The following NCOR2 variants were observed in gnomAD, a reference collection of about 807,000 sequenced individuals.
NCOR2 encodes the protein nuclear receptor corepressor 2, also known as CTG repeat protein 26.
A neutral mutation model predicts 262.9 loss-of-function variants in NCOR2; 81 were observed. That is an observed-to-expected ratio of 0.31 (90% CI 0.26 to 0.37). The LOEUF (loss-of-function observed/expected upper bound fraction) is 0.37, where lower values mean the gene tolerates loss of function less well. NCOR2 is among the 10% of genes least tolerant of loss of function. The probability of loss-of-function intolerance (pLI) is 1.00; values close to 1 mark genes in which losing one functional copy is unlikely to be tolerated. For synonymous variants in NCOR2, 1,659 were observed against 1,559.3 expected, an observed-to-expected ratio of 1.06 and a Z score of -1.51; for missense variants, 3,385 against 3,621.4, an observed-to-expected ratio of 0.93 and a Z score of 1.68.
At chr12:124,354,390 A>G in intron 26 of NCOR2, 88 bp downstream of exon 28, 1 of 1,287,808 alleles carries the variant, frequency 7.8e-7, no homozygotes, top group African/African-American at 1.5e-5. Context: ...GGGAGATGAC[A>G]CTTCCCAGCA....
At chr12:124,562,710 A>G (rs1175729211) in intron 1 of NCOR2, among the ~76,000 whole-genome samples, 1 of 152,240 alleles carries the variant, frequency 6.6e-6, no homozygotes, top group African/African-American at 2.4e-5. Context: ...CCAAAGGGCA[A>G]CAAGCCGAAG....
At chr12:124,371,969 G>T in intron 20 of NCOR2, 53 bp downstream of exon 22, 1 of 1,504,152 alleles carries the variant, frequency 6.6e-7, no homozygotes, top group South Asian at 1.3e-5. Context: ...GGTAGTCGCT[G>T]CTCAGTGTCT....
At chr12:124,565,470 G>C (rs2052207386) in intron 1 of NCOR2, among the ~76,000 whole-genome samples, 1 of 152,080 alleles carries the variant, frequency 6.6e-6, no homozygotes, top group South Asian at 2.1e-4. Flanking sequence ...TTCAATGGGC[G>C]GGGGCACCTG....
Position 124,422,487 on chromosome 12 carries a change from G to A in NCOR2, c.1383+14C>T, listed in dbSNP as rs372190522. The A allele has an allele frequency of 6.8e-6, 11 of 1,613,916 alleles. No individual in the cohort carries two copies. The highest frequency in any genetic ancestry group is 4.5e-5 in the East Asian group (2 of 44,876). On this transcript the variant is annotated intron_variant, in intron 12 of 46. Transcript: ENST00000405201. ...GGTGGAGACCGAAGGGGTATGGGGC[G>A]GGCAGCGACTCACCTTCCTCTCCAG...
At chr12:124,424,891 C>T (rs1478388442) in intron 11 of NCOR2, among the ~76,000 whole-genome samples, 5 of 152,212 alleles carry the variant, frequency 3.3e-5, no homozygotes, top group African/African-American at 7.2e-5. Flanking sequence ...CCTCCGTCCA[C>T]ACCTCAGTTT....
chr12:124,469,667 C>T (rs1004353232), intron 4 of NCOR2, among the ~76,000 whole-genome samples: 4 of 152,172 alleles, frequency 2.6e-5, no homozygotes, highest in Non-Finnish European at 1.5e-5. Context: ...TCCCTGACCT[C>T]AGTGTCTACT....
chr12:124,422,568 A>G lies in NCOR2; in HGVS notation c.1329-13T>C. 6.2e-7 allele frequency: 1 copy of G among 1,613,738 alleles called. No homozygotes were observed. On this transcript the variant is annotated splice_polypyrimidine_tract_variant and intron_variant, in intron 11 of 46. Coordinates refer to ENST00000405201, the Ensembl canonical transcript of NCOR2. ...ATGCTGCATGAACCTGCGGGACGAG[A>G]AGGGTGGGCGTGAGACCTGGCCGAG...
chr12:124,510,533 T>A (rs1167847773), intron 1 of NCOR2, among the ~76,000 whole-genome samples: 1 of 152,186 alleles, frequency 6.6e-6, no homozygotes, highest in African/African-American at 2.4e-5. Flanking sequence ...GCCGAGCAAC[T>A]TGCCCAAGGT....
intron 15 of NCOR2, among the ~76,000 whole-genome samples, chr12:124,399,284 G>C (rs1056105056): frequency 6.6e-6 from 1 of 152,122 alleles, no homozygotes; most frequent in Non-Finnish European, 1.5e-5. Flanking sequence ...GCCTACAGAA[G>C]CCAGGGGTGC....
intron 13 of NCOR2, among the ~76,000 whole-genome samples, chr12:124,414,851 G>A (rs545355478): frequency 6.6e-6 from 1 of 152,352 alleles, no homozygotes; most frequent in Admixed American, 6.5e-5. Flanking sequence ...AGAAACCTAT[G>A]AGGGAGAGAG....
exon 41 of NCOR2, chr12:124,334,574 A>G: frequency 7.1e-7 from 1 of 1,405,960 alleles, no homozygotes; most frequent in Non-Finnish European, 9.2e-7. Context: ...GGGTGCGCTG[A>G]GCTGCTGTGG....
chr12:124,423,297 T>TC (rs1217067060), intron 11 of NCOR2, among the ~76,000 whole-genome samples: 1 of 152,154 alleles, frequency 6.6e-6, no homozygotes, highest in Non-Finnish European at 1.5e-5. Flanking sequence ...GGCCCAGGCG[T>TC]CCCGGCGACG....
chr12:124,449,681 C>T (rs538230577), intron 7 of NCOR2, 134 bp downstream of exon 9: 14 of 1,071,274 alleles, frequency 1.3e-5, no homozygotes, highest in African/African-American at 7.8e-5. Context: ...CTGTCCCCTC[C>T]GGGAGCACCT....
intron 1 of NCOR2, among the ~76,000 whole-genome samples, chr12:124,506,020 A>C (rs1432086001): frequency 6.7e-6 from 1 of 150,152 alleles, no homozygotes; most frequent in Non-Finnish European, 1.5e-5. Context: ...CTCCTCGGCC[A>C]CTGGGAAAGC....
At chr12:124,386,290 C>T (rs906107516) in intron 16 of NCOR2, among the ~76,000 whole-genome samples, 4 of 152,078 alleles carry the variant, frequency 2.6e-5, no homozygotes, top group African/African-American at 7.2e-5. Flanking sequence ...GCCTGGCCTA[C>T]GTGACCCAGC....
rs145625061 is a variant in NCOR2 at position 124,480,718 on chromosome 12, G to A, written c.411+2878C>T. Among the ~76,000 whole-genome samples, 383 of 152,022 alleles carry A rather than the reference G, an allele frequency of 2.5e-3. 12 individuals are homozygous for A. In the East Asian group the frequency reaches 0.045, roughly 18 times the overall value. On this transcript the variant is annotated intron_variant, in intron 3 of 46. Transcript: ENST00000405201. The stretch of plus-strand genomic sequence containing the variant: ...CGTTCTCCAGCCAAGAAATGGCCAC[G>A]GGCCAAGCACCCCCAGGCGCCCTTG...
At chr12:124,500,879 C>T (rs1566001414) in intron 1 of NCOR2, among the ~76,000 whole-genome samples, 1 of 152,142 alleles carries the variant, frequency 6.6e-6, no homozygotes. Flanking sequence ...GCCCGGAGCG[C>T]TCAGCCGCGG....
intron 4 of NCOR2, among the ~76,000 whole-genome samples, chr12:124,469,861 G>A (rs1407848047): frequency 6.6e-6 from 1 of 152,160 alleles, no homozygotes; most frequent in Non-Finnish European, 1.5e-5. Context: ...ATTTTTTAAA[G>A]GAAGATAAAA....
Position 124,378,334 on chromosome 12 carries a change from GGCC to G in NCOR2, c.2067_2069del (p.Ala690del). ...CGGGCGGGAATGCAGCCTCCTCGCT[GGCC>G]GCCGCCGGCGCTTTCTTCTTCTTCC... On this transcript the variant is annotated inframe_deletion, in exon 18 of 47. Transcript: ENST00000405201. The surrounding 1 kb of genome is among the most constrained non-coding windows in gnomAD (Gnocchi z 4.2). 6.2e-7 allele frequency: 1 copy of G among 1,613,860 alleles called. No homozygotes were observed.
Sources: allele counts gnomAD v4.1 joint callset (sites outside exome capture counted in the v4.1 genomes callset), GRCh38; gene constraint gnomAD v4.1.1; non-coding constraint Gnocchi (gnomAD v3.1); transcripts MANE v1.5; gene names NCBI Gene and HGNC (gene_info 2026-07-23, HGNC 2026-07-21).